Variants in PCLO observed in about 807,000 individuals in gnomAD.
PCLO encodes piccolo presynaptic cytomatrix protein.
A neutral mutation model predicts 427.5 loss-of-function variants in PCLO; 82 were observed. The observed-to-expected ratio is 0.19, with a 90% CI of 0.16 to 0.23. The LOEUF is 0.23. Ranked by LOEUF, PCLO falls within the 10% of genes least tolerant of loss-of-function variation. The pLI, the probability that PCLO is intolerant of heterozygous loss-of-function variation, is 1.00. For missense variants in PCLO, 6,239 were observed against 6,115.9 expected (o/e 1.02, Z -0.67); for synonymous variants, 2,357 against 2,155.4 (o/e 1.09, Z -2.59).
At chr7:83,017,706 T>C (rs534859661) in intron 3 of PCLO, among the ~76,000 whole-genome samples, 23 of 152,138 alleles carry the variant, frequency 1.5e-4, no homozygotes, top group African/African-American at 5.3e-4. Flanking sequence ...TGTTTACCCA[T>C]TTTCAGAGAA....
At position 82,950,573 on chromosome 7, in the gene PCLO, C is replaced by T. The variant is rs756504811; in HGVS notation, c.10015G>A (p.Gly3339Ser). ...CTGCCTTCCAGAGCAGCATACTGACCTTCCAAAATTGCCTGCTCTGTAGTG... is the reference window on the plus strand; with the variant it reads ...CTGCCTTCCAGAGCAGCATACTGACTTTCCAAAATTGCCTGCTCTGTAGTG... ...QTTTEQAILEGQYAALEGSQF... is the reference protein window; with the variant it reads ...QTTTEQAILESQYAALEGSQF... Residue 3339 changes from glycine (G) to serine (S), a missense_variant, in exon 6 of 25, where the codon GGT becomes AGT. Physicochemically the swap from Gly to Ser is moderately conservative, Grantham distance 56. This residue lies in a region of PCLO where 4,677 missense variants were observed against 4,468.4 expected (regional missense o/e 1.05). Transcript: ENST00000333891. The T allele has an allele frequency of 6.2e-7, 1 of 1,613,718 alleles. No homozygotes were observed. The highest frequency in any genetic ancestry group is 1.3e-5 in the African/African-American group (1 of 74,890).
chr7:82,758,770 A>G, intron 24 of PCLO, 55 bp from the exon 25 acceptor site: 1 of 1,093,600 alleles, frequency 9.1e-7, no homozygotes, highest in Non-Finnish European at 1.3e-6. Flanking sequence ...ATACATGTGT[A>G]TAGTTTTCAA....
chr7:83,133,906 A>T (rs1791638449), intron 3 of PCLO, among the ~76,000 whole-genome samples: 1 of 151,914 alleles, frequency 6.6e-6, no homozygotes, highest in African/African-American at 2.4e-5. Flanking sequence ...AAAACCTTTT[A>T]TCTGGAGTTT....
At chr7:82,978,835 AACACACACACACACACACACAAACACAC>A (rs1796080978) in intron 3 of PCLO, among the ~76,000 whole-genome samples, 1 of 129,814 alleles carries the variant, frequency 7.7e-6, no homozygotes, top group Admixed American at 8.5e-5. Flanking sequence ...AGGAACAAGA[AACACACACACACACACACACAAACACAC>A]ACACACACAC....
Position 82,950,285 on chromosome 7 carries a change from G to T in PCLO, c.10303C>A (p.Arg3435=). Residue 3435 remains arginine, a synonymous_variant, in exon 6 of 25, where the codon CGA becomes AGA. Transcript: ENST00000333891. ...DMGENMTDDP[R]SFKKIVDSGV... is the part of the protein sequence containing the mutation. ...CTGTCCACTATCTTTTTAAAACTTCGGGGATCATCTGTCATATTTTCTCCC... is the reference window on the plus strand; with the variant it reads ...CTGTCCACTATCTTTTTAAAACTTCTGGGATCATCTGTCATATTTTCTCCC... 1 of 1,613,042 alleles carries T rather than the reference G, an allele frequency of 6.2e-7. No homozygotes were observed. The highest frequency in any genetic ancestry group is 8.5e-7 in the Non-Finnish European group (1 of 1,179,764).
chr7:83,144,897 A>C (rs969214357), intron 2 of PCLO, among the ~76,000 whole-genome samples: 33 of 152,192 alleles, frequency 2.2e-4, no homozygotes, highest in African/African-American at 7.5e-4. Flanking sequence ...TGTTCATAAG[A>C]GTTGTTTTAA....
At position 82,954,717 on chromosome 7, in the gene PCLO, C is replaced by A. The variant is rs576675298; in HGVS notation, c.6236G>T (p.Gly2079Val). ...MKRQQMQLTP[G>V]SSPTQAPIGE... is the part of the protein sequence containing the mutation. ...AATGGGGGCCTGGGTTGGGCTAGATCCAGGTGTTAATTGCATCTGTTGCCT... is the reference window on the plus strand; with the variant it reads ...AATGGGGGCCTGGGTTGGGCTAGATACAGGTGTTAATTGCATCTGTTGCCT... Residue 2079 changes from glycine (G) to valine (V), a missense_variant, in exon 5 of 25, where the codon GGA becomes GTA. Coordinates refer to ENST00000333891, the MANE Select transcript of PCLO (RefSeq NM_033026.6). 6.2e-7 allele frequency: 1 copy of A among 1,613,800 alleles called. No homozygotes were observed. Among genetic ancestry groups the A allele is most frequent in the Non-Finnish European group, 8.5e-7 (1 of 1,179,830 alleles).
At chr7:82,769,733 T>C (rs2107067) in intron 22 of PCLO, among the ~76,000 whole-genome samples, 18,061 of 152,168 alleles carry the variant, frequency 0.12, 2,860 homozygotes, top group African/African-American at 0.36. Context: ...AAATTTTCAC[T>C]AATAAATACC....
chr7:82,844,576 T>G (rs1000262706), intron 13 of PCLO, among the ~76,000 whole-genome samples: 4 of 152,160 alleles, frequency 2.6e-5, no homozygotes, highest in African/African-American at 9.6e-5. Context: ...TTATTCATTT[T>G]TAAACAAAAG....
chr7:83,131,934 G>A (rs6950738), intron 3 of PCLO, among the ~76,000 whole-genome samples: 98,525 of 151,728 alleles, frequency 0.65, 32,581 homozygotes, highest in African/African-American at 0.77. Flanking sequence ...TATACATAAG[G>A]GTATATGTAT....
chr7:82,911,740 A>C (rs1168725725), intron 7 of PCLO, among the ~76,000 whole-genome samples: 1 of 151,992 alleles, frequency 6.6e-6, no homozygotes, highest in East Asian at 1.9e-4. Context: ...CTCCTGCCTC[A>C]GGCTCCCAAG....
intron 22 of PCLO, among the ~76,000 whole-genome samples, chr7:82,762,717 G>C (rs544702632): frequency 6.6e-6 from 1 of 151,926 alleles, no homozygotes; most frequent in African/African-American, 2.4e-5. Flanking sequence ...AAAAATAGAG[G>C]TACTGTTTTA....
chr7:83,140,120 T>TAGTA (rs1345655876), intron 2 of PCLO, among the ~76,000 whole-genome samples: 3 of 152,214 alleles, frequency 2.0e-5, no homozygotes, highest in Admixed American at 6.5e-5. Flanking sequence ...GAGCAATGAA[T>TAGTA]AGTAATACTT....
Position 82,952,165 on chromosome 7 carries a change from C to T in PCLO, c.8788G>A (p.Val2930Ile), listed in dbSNP as rs769891041. The T allele has an allele frequency of 2.9e-5, 43 of 1,482,486 alleles. 1 individual carries two copies. Among genetic ancestry groups the T allele is most frequent in the South Asian group, 9.2e-5 (8 of 86,620 alleles). The allele number at this position is 1,482,486 out of a possible 1,614,324, so 91.8% of individuals were successfully genotyped here. Residue 2930 changes from valine to isoleucine, a missense_variant, in exon 5 of 25, where the codon GTT becomes ATT. Around this residue, in one of 5 missense-constraint regions of PCLO, gnomAD observed 4,677 missense variants for 4,468.4 expected, o/e 1.05. Transcript: ENST00000333891. ...GCTCTTCTCCCTGCGGTTAAATCAA[C>T]GGGTTTTTCATCTTCTATTATTTTG... ...MTKIIEDEKP[V>I]DLTAGRRAVC...
chr7:82,936,497 T>C (rs575399139), intron 6 of PCLO, among the ~76,000 whole-genome samples: 1 of 147,450 alleles, frequency 6.8e-6, no homozygotes, highest in Non-Finnish European at 1.5e-5. Flanking sequence ...AGGATAGTTA[T>C]AATAATATTT....
intron 3 of PCLO, among the ~76,000 whole-genome samples, chr7:83,067,513 T>C (rs1333382071): frequency 6.6e-6 from 1 of 152,032 alleles, no homozygotes; most frequent in Non-Finnish European, 1.5e-5. Context: ...AGACAAAGAG[T>C]ACAGTAGCAA....
chr7:82,956,957 C>T, intron 4 of PCLO, 22 bp from the exon 5 acceptor site: 1 of 1,540,674 alleles, frequency 6.5e-7, no homozygotes, highest in Non-Finnish European at 8.7e-7. Context: ...GATAAAGATA[C>T]AGGAAAACTT....
At chr7:83,025,626 A>C (rs992267796) in intron 3 of PCLO, among the ~76,000 whole-genome samples, 8 of 151,990 alleles carry the variant, frequency 5.3e-5, no homozygotes, top group African/African-American at 1.7e-4. Context: ...ACTCCTCGAG[A>C]AGAGCAACTC....
chr7:82,775,509 A>T (rs1790730949), intron 22 of PCLO, among the ~76,000 whole-genome samples: 1 of 152,184 alleles, frequency 6.6e-6, no homozygotes, highest in Admixed American at 6.5e-5. Flanking sequence ...ATCTTTTCAT[A>T]TGCTTATTTG....
Sources: gnomAD v4.1 joint callset for allele counts (sites outside exome capture counted in the v4.1 genomes callset) on GRCh38, gnomAD v4.1.1 for gene constraint, gnomAD v4.1.1 regional missense constraint, MANE v1.5 for transcripts, NCBI Gene and HGNC (gene_info 2026-07-23, HGNC 2026-07-21) for gene names.